The following FRAS1 variants were observed in gnomAD, a reference collection of about 807,000 sequenced individuals.
FRAS1 encodes Fraser extracellular matrix complex subunit 1, also known as extracellular matrix organizing protein FRAS1.
Under a neutral mutation model 435.2 loss-of-function variants are expected in FRAS1, and 290 were observed. The observed-to-expected ratio is 0.67, with a 90% confidence interval of 0.61 to 0.73. The LOEUF (loss-of-function observed/expected upper bound fraction) is 0.73, where lower values mean the gene tolerates loss of function less well. FRAS1 is among the 30% of genes least tolerant of loss of function. The pLI is 0.00. For synonymous variants in FRAS1, 1,800 were observed against 1,851.0 expected (o/e 0.97, Z 0.71); for missense variants, 4,860 against 5,001.5 (o/e 0.97, Z 0.85).
At chr4:78,389,136 A>G (rs1215996022) in intron 29 of FRAS1, among the ~76,000 whole-genome samples, 1 of 152,240 alleles carries the variant, frequency 6.6e-6, no homozygotes, top group Non-Finnish European at 1.5e-5. Flanking sequence ...CCATTGCTAG[A>G]CCAAAGGGAC....
intron 2 of FRAS1, among the ~76,000 whole-genome samples, chr4:78,228,276 C>G (rs1385621739): frequency 6.6e-6 from 1 of 152,126 alleles, no homozygotes; most frequent in Non-Finnish European, 1.5e-5. Flanking sequence ...AGTAAAGTCT[C>G]CCTAATATCT....
chr4:78,361,042 G>T (rs184626671), intron 20 of FRAS1, among the ~76,000 whole-genome samples: 1 of 152,228 alleles, frequency 6.6e-6, no homozygotes. Flanking sequence ...CTTTAAAGAG[G>T]ATAGGCCATG....
intron 2 of FRAS1, among the ~76,000 whole-genome samples, chr4:78,086,997 G>A (rs55688153): frequency 0.14 from 20,660 of 152,076 alleles, 2,477 homozygotes; most frequent in African/African-American, 0.31. Flanking sequence ...ACCAATATCC[G>A]TGATGAACAT....
At chr4:78,299,508 A>C (rs1175156495) in intron 14 of FRAS1, among the ~76,000 whole-genome samples, 3 of 152,096 alleles carry the variant, frequency 2.0e-5, no homozygotes, top group Non-Finnish European at 2.9e-5. Flanking sequence ...CTATTTTAAC[A>C]ACCAGTATAA....
In FRAS1 at chr4:78,448,282, C is replaced by T. The variant is rs2109833463; in HGVS notation, c.6240C>T (p.His2080=). ...AACTGCCTGCAAGTGACACACCTCA[C>T]TTGGCTATAAACCAAGGCCTACAGC... The part of the protein sequence containing the change: ...YTELPASDTP[H]LAINQGLQLS... The change falls in exon 44 of 74, where the codon CAC becomes CAT. Residue 2080 remains histidine (H), a synonymous_variant. Coordinates refer to ENST00000512123, the MANE Select transcript of FRAS1 (RefSeq NM_025074.7). The T allele has an allele frequency of 3.1e-6, 5 of 1,611,940 alleles. No homozygotes were observed. The Middle Eastern group carries it at 5.6e-4, about 180-fold the overall frequency.
intron 10 of FRAS1, among the ~76,000 whole-genome samples, chr4:78,279,820 A>G (rs1014687264): frequency 1.3e-5 from 2 of 152,206 alleles, no homozygotes; most frequent in Admixed American, 6.5e-5. Context: ...GACCAGTCAG[A>G]ATAGGATTAC....
chr4:78,255,396 A>G (rs1274680377), intron 6 of FRAS1, 21 bp downstream of exon 6: 2 of 1,577,394 alleles, frequency 1.3e-6, no homozygotes, highest in Non-Finnish European at 1.7e-6. Flanking sequence ...CAACCTCAGC[A>G]TGCAGCCTTC....
At chr4:78,206,666 A>G (rs953816599) in intron 2 of FRAS1, among the ~76,000 whole-genome samples, 1 of 152,200 alleles carries the variant, frequency 6.6e-6, no homozygotes, top group Non-Finnish European at 1.5e-5. Flanking sequence ...TATCAGGGTA[A>G]CTGAACAATG....
chr4:78,116,376 G>C (rs1285376463), intron 2 of FRAS1, among the ~76,000 whole-genome samples: 3 of 152,108 alleles, frequency 2.0e-5, no homozygotes, highest in Non-Finnish European at 4.4e-5. Flanking sequence ...TTTAATTCCT[G>C]GATATCCTTG....
At chr4:78,405,919 A>C (rs1490430978) in intron 30 of FRAS1, among the ~76,000 whole-genome samples, 3 of 152,218 alleles carry the variant, frequency 2.0e-5, no homozygotes, top group African/African-American at 7.2e-5. Flanking sequence ...AATTGTTTCT[A>C]TAACACCTCT....
Position 78,472,204 on chromosome 4 carries a change from G to A in FRAS1, c.7396G>A (p.Glu2466Lys). The A allele has an allele frequency of 6.2e-7, 1 of 1,613,920 alleles. No homozygotes were observed. Among genetic ancestry groups the A allele is most frequent in the Non-Finnish European group, 8.5e-7 (1 of 1,179,842 alleles). The change falls in exon 52 of 74, where the codon GAA becomes AAA. Residue 2466 changes from glutamate to lysine, a missense_variant. Coordinates refer to ENST00000512123, the MANE Select transcript of FRAS1 (RefSeq NM_025074.7). Reference protein sequence around the residue: ...GKATNLITKKELLTMDPDTED... With the variant: ...GKATNLITKKKLLTMDPDTED... ...GGCAACCAACCTGATCACCAAGAAG[G>A]AACTGCTGACCATGGACCCAGACAC...
At chr4:78,092,279 A>G (rs1402358099) in intron 2 of FRAS1, among the ~76,000 whole-genome samples, 2 of 152,192 alleles carry the variant, frequency 1.3e-5, no homozygotes, top group Non-Finnish European at 2.9e-5. Flanking sequence ...CAGGACCGGC[A>G]TGTGGTAGGC....
At position 78,526,593 on chromosome 4, in the gene FRAS1, C is replaced by G. The variant is rs1305625723; in HGVS notation, c.10861C>G (p.Pro3621Ala). The change falls in exon 70 of 74, where the codon CCC (proline) becomes GCC (alanine). Residue 3621 changes from proline (P) to alanine (A), a missense_variant. Pro to Ala is a conservative substitution (Grantham distance 27). Coordinates refer to ENST00000512123, the MANE Select transcript of FRAS1 (RefSeq NM_025074.7). ...TIYLIPCTVQ[P>A]TQPWVDPGEK... ...CTACCTGATCCCTTGCACAGTGCAG[C>G]CCACACAGCCATGGGTTGACCCAGG... The G allele has an allele frequency of 4.4e-6, 7 of 1,602,726 alleles. No individual in the cohort carries two copies. Among genetic ancestry groups the G allele is most frequent in the Admixed American group, 1.7e-5 (1 of 58,688 alleles).
intron 30 of FRAS1, among the ~76,000 whole-genome samples, chr4:78,403,222 A>G (rs1186712175): frequency 6.6e-6 from 1 of 152,178 alleles, no homozygotes; most frequent in Non-Finnish European, 1.5e-5. Flanking sequence ...CAAATTTCCT[A>G]GAAACAACCA....
intron 54 of FRAS1, among the ~76,000 whole-genome samples, chr4:78,477,010 TA>T (rs889636656): frequency 1.1e-4 from 17 of 149,914 alleles, no homozygotes; most frequent in Admixed American, 1.1e-3. Context: ...AAAAACAAAG[TA>T]AAACCAGAAT....
At position 78,511,680 on chromosome 4, in the gene FRAS1, A is replaced by G. The variant is rs1413338288; in HGVS notation, c.10013+174A>G. ...TCCCTCAAGCTCGGGCCCCCTGCCT[A>G]TCTTCCTAGTCTTTCTCTCACCTTG... On this transcript the variant is annotated intron_variant, in intron 64 of 73. Coordinates refer to ENST00000512123, the MANE Select transcript of FRAS1 (RefSeq NM_025074.7). The G allele has an allele frequency of 2.1e-5, 14 of 667,668 alleles. No homozygotes were observed. The South Asian group carries it at 2.2e-4, about 11-fold the overall frequency. The allele number at this position is 667,668 out of a possible 1,614,324, so 41.4% of individuals were successfully genotyped here. A position where few individuals can be genotyped will look rare whatever the true frequency, so the allele number is the denominator to read the frequency against.
At chr4:78,428,405 C>G (rs1351743731) in intron 35 of FRAS1, among the ~76,000 whole-genome samples, 1 of 152,088 alleles carries the variant, frequency 6.6e-6, no homozygotes, top group African/African-American at 2.4e-5. Flanking sequence ...TCACTGCAAG[C>G]TCCGCCTCCC....
intron 2 of FRAS1, among the ~76,000 whole-genome samples, chr4:78,182,951 A>T (rs1722095685): frequency 6.6e-6 from 1 of 152,044 alleles, no homozygotes; most frequent in Non-Finnish European, 1.5e-5. Context: ...GTTCAGCACA[A>T]AGATGAGAAT....
rs1465997278 is a variant in FRAS1 at position 78,400,775 on chromosome 4, G to T, written c.4017G>T (p.Trp1339Cys). ...AGCTTGTGGCTAATTCGATGGTGTG[G>T]GTTCCAGAAGGGGGGATGCTGCAGA... ...GLQLVANSMV[W>C]VPEGGMLQIT... Residue 1339 changes from tryptophan to cysteine, a missense_variant, in exon 30 of 74, where the codon TGG (tryptophan) becomes TGT (cysteine). Coordinates refer to ENST00000512123, the MANE Select transcript of FRAS1 (RefSeq NM_025074.7). 1 of 1,613,382 alleles carries T rather than the reference G, an allele frequency of 6.2e-7. No individual in the cohort carries two copies. The highest frequency in any genetic ancestry group is 1.1e-5 in the South Asian group (1 of 90,928).
Sources: gnomAD v4.1 joint callset for allele counts (sites outside exome capture counted in the v4.1 genomes callset) on GRCh38, gnomAD v4.1.1 for gene constraint, MANE v1.5 for transcripts, NCBI Gene and HGNC (gene_info 2026-07-23, HGNC 2026-07-21) for gene names.